The following DTNA variants were observed in gnomAD, a reference collection of about 807,000 sequenced individuals.
DTNA encodes the protein dystrophin-related protein 3.
In DTNA, 43 loss-of-function variants were observed where a neutral mutation model predicts 100.7. The observed-to-expected ratio is 0.43, with a 90% CI of 0.33 to 0.55. The LOEUF is 0.55. Ranked by LOEUF, DTNA falls within the 20% of genes least tolerant of loss-of-function variation. The pLI, the probability that DTNA is intolerant of heterozygous loss-of-function variation, is 0.04. For synonymous variants in DTNA, 349 were observed against 347.9 expected, an observed-to-expected ratio of 1.00 and a Z score of -0.04; for missense variants, 798 against 953.9, an observed-to-expected ratio of 0.84 and a Z score of 2.15.
At chr18:34,848,147 G>A in intron 13 of DTNA, 149 bp from the exon 14 acceptor site, 2 of 735,028 alleles carry the variant, frequency 2.7e-6, no homozygotes, top group South Asian at 1.5e-5. Context: ...ACAAATTCAA[G>A]TCTGAGATTG....
chr18:34,885,164 G>A lies in DTNA; in HGVS notation c.*31+388G>A, dbSNP rs78637620. The stretch of plus-strand genomic sequence containing the variant: ...GAAAAGTCAGTACCTCTAGAGATGG[G>A]CCAGCTTGTTAGTCATACTATACCT... On this transcript the variant is annotated intron_variant, in intron 22 of 22. Coordinates refer to ENST00000444659, the MANE Select transcript of DTNA (RefSeq NM_001386795.1). Among the ~76,000 whole-genome samples, 853 of 152,290 alleles carry A rather than the reference G, an allele frequency of 5.6e-3. 3 individuals are homozygous for A. The highest frequency in any genetic ancestry group is 9.0e-3 in the Non-Finnish European group (614 of 68,030).
chr18:34,612,513 A>G (rs770700526), intron 1 of DTNA, among the ~76,000 whole-genome samples: 1 of 152,188 alleles, frequency 6.6e-6, no homozygotes, highest in Non-Finnish European at 1.5e-5. Context: ...CCTCAGCGGA[A>G]GGGGCCCTGG....
At chr18:34,884,186 C>T (rs1227733731) in intron 21 of DTNA, among the ~76,000 whole-genome samples, 2 of 152,158 alleles carry the variant, frequency 1.3e-5, no homozygotes. Flanking sequence ...TTAGGCCTCC[C>T]TCTTTGAGCT....
At chr18:34,880,398 G>A (rs1226542871) in intron 20 of DTNA, among the ~76,000 whole-genome samples, 1 of 152,158 alleles carries the variant, frequency 6.6e-6, no homozygotes. Flanking sequence ...AGCTGGGACA[G>A]AGCTGCAGAG....
chr18:34,817,557 G>T (rs1450155119), intron 7 of DTNA, among the ~76,000 whole-genome samples: 6 of 151,300 alleles, frequency 4.0e-5, no homozygotes, highest in East Asian at 3.9e-4. Flanking sequence ...CTTTTTTAGG[G>T]CCCTATACAC....
intron 1 of DTNA, among the ~76,000 whole-genome samples, chr18:34,674,187 G>A (rs2145200979): frequency 6.6e-6 from 1 of 152,318 alleles, no homozygotes; most frequent in Non-Finnish European, 1.5e-5. Context: ...TTGGGGCCCA[G>A]AATCCCTAAT....
chr18:34,608,981 A>G (rs1198028950), intron 1 of DTNA, among the ~76,000 whole-genome samples: 3 of 152,138 alleles, frequency 2.0e-5, no homozygotes, highest in Non-Finnish European at 4.4e-5. Context: ...GTAACTATTT[A>G]ATTTTGTGGT....
intron 1 of DTNA, among the ~76,000 whole-genome samples, chr18:34,603,489 A>G (rs1231359824): frequency 6.6e-6 from 1 of 152,152 alleles, no homozygotes; most frequent in Non-Finnish European, 1.5e-5. Context: ...TTCAATGGTA[A>G]TAAATACATT....
intron 1 of DTNA, among the ~76,000 whole-genome samples, chr18:34,690,490 T>A (rs1364527641): frequency 6.6e-6 from 1 of 152,296 alleles, no homozygotes; most frequent in Non-Finnish European, 1.5e-5. Context: ...CCCATTGAGA[T>A]GAACTGGGTA....
intron 3 of DTNA, among the ~76,000 whole-genome samples, chr18:34,769,695 T>C (rs2148566167): frequency 6.8e-6 from 1 of 147,632 alleles, no homozygotes; most frequent in East Asian, 2.0e-4. Flanking sequence ...TGTCCTCTCA[T>C]GGTGGAAGAA....
chr18:34,705,441 T>A (rs1226653035), upstream of DTNA, among the ~76,000 whole-genome samples: 1 of 151,980 alleles, frequency 6.6e-6, no homozygotes, highest in Non-Finnish European at 1.5e-5. Flanking sequence ...CAGAGATGAG[T>A]TGCCATTTAG....
chr18:34,749,201 G>T (rs1473603213), intron 1 of DTNA, among the ~76,000 whole-genome samples: 1 of 152,080 alleles, frequency 6.6e-6, no homozygotes, highest in South Asian at 2.1e-4. Context: ...TTATTTATCA[G>T]ATCTAGGAGC....
chr18:34,514,023 T>G (rs1227392970), intron 1 of DTNA: 1 of 152,024 alleles, frequency 6.6e-6, no homozygotes, highest in Non-Finnish European at 1.5e-5. Flanking sequence ...CCAGAAAAAA[T>G]AAAATCTCAT....
At chr18:34,524,256 G>T (rs180784417) in intron 1 of DTNA, among the ~76,000 whole-genome samples, 62 of 152,204 alleles carry the variant, frequency 4.1e-4, no homozygotes, top group African/African-American at 1.3e-3. Flanking sequence ...GTGCACCTCT[G>T]TATGAAAATA....
chr18:34,523,188 G>A (rs1220768176), intron 1 of DTNA, among the ~76,000 whole-genome samples: 2 of 152,266 alleles, frequency 1.3e-5, no homozygotes, highest in Admixed American at 6.5e-5. Flanking sequence ...GACCAGAGAT[G>A]TAGGAGAATC....
At chr18:34,725,230 G>A (rs1241693257) in intron 1 of DTNA, among the ~76,000 whole-genome samples, 1 of 152,056 alleles carries the variant, frequency 6.6e-6, no homozygotes. Context: ...GACAACAAAA[G>A]GCAAAATAGA....
At chr18:34,840,175 C>T (rs2096242174) in intron 13 of DTNA, among the ~76,000 whole-genome samples, 1 of 152,040 alleles carries the variant, frequency 6.6e-6, no homozygotes, top group South Asian at 2.1e-4. Context: ...TTTAATTTTA[C>T]CTTAGATCCT....
chr18:34,603,499 T>C (rs2052384616), intron 1 of DTNA, among the ~76,000 whole-genome samples: 1 of 152,176 alleles, frequency 6.6e-6, no homozygotes, highest in African/African-American at 2.4e-5. Flanking sequence ...ATAAATACAT[T>C]TGTATTCTTT....
intron 9 of DTNA, among the ~76,000 whole-genome samples, chr18:34,823,053 C>A (rs2095765520): frequency 6.6e-6 from 1 of 151,998 alleles, no homozygotes; most frequent in South Asian, 2.1e-4. Context: ...AATTTTTTTT[C>A]TATTTTTAGC....
Sources: allele counts gnomAD v4.1 joint callset (sites outside exome capture counted in the v4.1 genomes callset), GRCh38; gene constraint gnomAD v4.1.1; transcripts MANE v1.5; gene names NCBI Gene and HGNC (gene_info 2026-07-23, HGNC 2026-07-21).